The following SEL1L3 variants were observed in gnomAD, a reference collection of about 807,000 sequenced individuals.
SEL1L3 encodes SEL1L family member 3, also known as protein sel-1 homolog 3.
SEL1L3 carries 76 observed loss-of-function variants against 142.8 expected under a neutral mutation model. The observed-to-expected ratio is 0.53, with a 90% CI of 0.44 to 0.64. The LOEUF (loss-of-function observed/expected upper bound fraction) is 0.64, where lower values mean the gene tolerates loss of function less well. Among genes scored for constraint, SEL1L3 ranks in the 30% least tolerant of loss-of-function variants. The probability of loss-of-function intolerance (pLI) is 0.00; values close to 1 mark genes in which losing one functional copy is unlikely to be tolerated. For synonymous variants in SEL1L3, 504 were observed against 519.6 expected, an observed-to-expected ratio of 0.97 and a Z score of 0.41; for missense variants, 1,262 against 1,381.7, an observed-to-expected ratio of 0.91 and a Z score of 1.37.
At position 25,749,821 on chromosome 4, in the gene SEL1L3, G is replaced by A. The variant is rs115539149; in HGVS notation, c.3260-1257C>T. ...GTCATTGCTTGTTTTTGTACGGCTC[G>A]TGGTTTAAAAAACAGTTTTTACAAT... On this transcript the variant is annotated intron_variant, in intron 23 of 23. Transcript: ENST00000399878. Among the ~76,000 whole-genome samples the A allele has an allele frequency of 8.9e-3, 1,352 of 152,268 alleles. 33 individuals carry two copies. The highest frequency in any genetic ancestry group is 0.031 in the African/African-American group (1,283 of 41,546).
At chr4:25,753,888 G>C (rs893994672) in intron 23 of SEL1L3, among the ~76,000 whole-genome samples, 7 of 152,130 alleles carry the variant, frequency 4.6e-5, no homozygotes, top group Non-Finnish European at 8.8e-5. Flanking sequence ...GGAGGCTGAG[G>C]CAGGAGAATC....
chr4:25,850,326 T>C (rs1322488491), intron 1 of SEL1L3, among the ~76,000 whole-genome samples: 2 of 152,170 alleles, frequency 1.3e-5, no homozygotes, highest in Admixed American at 6.5e-5. Flanking sequence ...GCAAATGACA[T>C]AGCTAATCAA....
At chr4:25,778,346 A>T (rs1719775182) in intron 16 of SEL1L3, among the ~76,000 whole-genome samples, 1 of 152,238 alleles carries the variant, frequency 6.6e-6, no homozygotes, top group Non-Finnish European at 1.5e-5. Context: ...TAATATTTAG[A>T]TAGGTCTGGA....
At chr4:25,739,548 T>C in the SEL1L3 span, among the ~76,000 whole-genome samples, 2 of 151,922 alleles carry the variant, frequency 1.3e-5, no homozygotes, top group South Asian at 4.2e-4. Flanking sequence ...CTACTAAAAA[T>C]ACAAAAGTCA....
Position 25,835,197 on chromosome 4 carries a change from A to G in SEL1L3, c.860T>C (p.Val287Ala), listed in dbSNP as rs201007124. Reference protein sequence around the residue: ...ATRRQRMDYPVFTVSLWLYLL... With the variant: ...ATRRQRMDYPAFTVSLWLYLL... ...GCTCCCTTCTGCTACCCATCCTTAC[A>G]CTGGGTAATCCATCCTCTGGCGTCG... The change falls in exon 3 of 24, where the codon GTG (valine) becomes GCG (alanine). Residue 287 changes from valine to alanine, a missense_variant and splice_region_variant. By Grantham distance (64) the Val-to-Ala change is moderately conservative (BLOSUM62 0). Around this residue, in one of 3 missense-constraint regions of SEL1L3, gnomAD observed 689 missense variants for 692.8 expected, o/e 0.99. Transcript: ENST00000399878. The G allele has an allele frequency of 1.1e-4, 183 of 1,613,648 alleles. No individual in the cohort carries two copies. The highest frequency in any genetic ancestry group is 1.6e-4 in the Middle Eastern group (1 of 6,084).
chr4:25,766,282 A>G (rs562972691), intron 19 of SEL1L3, among the ~76,000 whole-genome samples: 3 of 152,232 alleles, frequency 2.0e-5, no homozygotes, highest in South Asian at 2.1e-4. Context: ...CTACTAAAAA[A>G]TACAGAAATT....
chr4:25,813,040 A>C (rs918479322), intron 9 of SEL1L3, among the ~76,000 whole-genome samples: 2 of 152,156 alleles, frequency 1.3e-5, no homozygotes, highest in Admixed American at 1.3e-4. Flanking sequence ...ACAAAACAGG[A>C]AATAACAAGT....
intron 9 of SEL1L3, among the ~76,000 whole-genome samples, chr4:25,815,744 T>A (rs1207646138): frequency 6.6e-6 from 1 of 151,936 alleles, no homozygotes; most frequent in South Asian, 2.1e-4. Context: ...GAATTATCTC[T>A]GCCCAGTAAT....
chr4:25,808,325 C>T (rs1713739680), intron 9 of SEL1L3, among the ~76,000 whole-genome samples: 1 of 152,200 alleles, frequency 6.6e-6, no homozygotes, highest in Admixed American at 6.6e-5. Flanking sequence ...CCACTAATTA[C>T]CCCTTACTAT....
intron 6 of SEL1L3, among the ~76,000 whole-genome samples, chr4:25,828,315 G>A (rs1197779640): frequency 6.6e-6 from 1 of 151,364 alleles, no homozygotes; most frequent in East Asian, 1.9e-4. Context: ...ATTTTTTTTA[G>A]TTTTTTAATG....
At chr4:25,776,228 A>T in intron 17 of SEL1L3, 49 bp downstream of exon 17, 1 of 1,224,268 alleles carries the variant, frequency 8.2e-7, no homozygotes, top group Non-Finnish European at 1.2e-6. Flanking sequence ...ATAAGACTAT[A>T]CTGACAGACA....
chr4:25,857,631 A>C (rs1717357510), intron 1 of SEL1L3, among the ~76,000 whole-genome samples: 2 of 152,214 alleles, frequency 1.3e-5, no homozygotes, highest in African/African-American at 4.8e-5. Flanking sequence ...AGGGTAAGTA[A>C]CTTGCCCAAG....
At chr4:25,736,942 C>G in the SEL1L3 span, among the ~76,000 whole-genome samples, 1 of 151,550 alleles carries the variant, frequency 6.6e-6, no homozygotes, top group African/African-American at 2.4e-5. Context: ...TTCTTATTGA[C>G]TATTAGTACC....
At chr4:25,714,864 GC>G in the SEL1L3 span, among the ~76,000 whole-genome samples, 1 of 151,894 alleles carries the variant, frequency 6.6e-6, no homozygotes, top group Non-Finnish European at 1.5e-5. Flanking sequence ...GAGCCACCGC[GC>G]CCTGCCAAGA....
chr4:25,717,933 T>C, the SEL1L3 span: 1 of 152,168 alleles, frequency 6.6e-6, no homozygotes, highest in Non-Finnish European at 1.5e-5. Flanking sequence ...AACGGATGAC[T>C]CTAATCCTTT....
chr4:25,783,605 T>C (rs1177058970), intron 14 of SEL1L3, among the ~76,000 whole-genome samples: 1 of 152,202 alleles, frequency 6.6e-6, no homozygotes, highest in Non-Finnish European at 1.5e-5. Context: ...TGTGCATGCA[T>C]TGGGCATATG....
chr4:25,803,569 C>T lies in SEL1L3; in HGVS notation c.1776+972G>A, dbSNP rs145338753. Among the ~76,000 whole-genome samples the T allele has an allele frequency of 6.2e-4, 95 of 152,302 alleles. 1 individual carries two copies. Among genetic ancestry groups the T allele is most frequent in the African/African-American group, 2.1e-3 (89 of 41,570 alleles). On this transcript the variant is annotated intron_variant, in intron 10 of 23. Transcript: ENST00000399878. ...CGGGTACCCAGATGAAACATCATTT[C>T]TGGATGTGTCTGTGAGAGTGTTTCC...
chr4:25,860,980 C>G (rs940408551), intron 1 of SEL1L3, among the ~76,000 whole-genome samples: 1 of 152,188 alleles, frequency 6.6e-6, no homozygotes, highest in Non-Finnish European at 1.5e-5. Flanking sequence ...CCAGAGTCCA[C>G]TTAGGCCCTT....
chr4:25,839,698 C>A (rs539363619), intron 2 of SEL1L3, among the ~76,000 whole-genome samples: 53 of 152,302 alleles, frequency 3.5e-4, no homozygotes, highest in African/African-American at 1.3e-3. Flanking sequence ...GGGAAAAGGA[C>A]CAGAAGATTC....
Sources: gnomAD v4.1 joint callset for allele counts (sites outside exome capture counted in the v4.1 genomes callset) on GRCh38, gnomAD v4.1.1 for gene constraint, gnomAD v4.1.1 regional missense constraint, MANE v1.5 for transcripts, NCBI Gene and HGNC (gene_info 2026-07-23, HGNC 2026-07-21) for gene names.